The following TAS2R1 variants were observed in gnomAD, a reference collection of about 807,000 sequenced individuals.
TAS2R1 encodes the protein taste 2 receptor member 1.
For missense variants in TAS2R1, 370 were observed against 353.4 expected, an observed-to-expected ratio of 1.05 and a Z score of -0.38; for synonymous variants, 141 against 134.2, an observed-to-expected ratio of 1.05 and a Z score of -0.35.
At chr5:9,815,588 C>CACAATATAAAACCCCTGTAAGGTTT in the TAS2R1 span, among the ~76,000 whole-genome samples, 17 of 152,050 alleles carry the variant, frequency 1.1e-4, no homozygotes, top group Non-Finnish European at 2.4e-4. Flanking sequence ...CTTCCTTCTG[C>CACAATATAAAACCCCTGTAAGGTTT]TACATTGCAT....
chr5:9,832,535 G>A, the TAS2R1 span, among the ~76,000 whole-genome samples: 9,519 of 152,246 alleles, frequency 0.063, 744 homozygotes, highest in East Asian at 0.3. Context: ...AGCCCCTGTC[G>A]ATAGGAATCC....
the TAS2R1 span, among the ~76,000 whole-genome samples, chr5:9,790,020 T>C: frequency 1.3e-5 from 2 of 152,250 alleles, no homozygotes; most frequent in Non-Finnish European, 2.9e-5. Context: ...TATATCACTC[T>C]GCTCATGTTC....
chr5:9,873,390 A>G, the TAS2R1 span, among the ~76,000 whole-genome samples: 1 of 147,180 alleles, frequency 6.8e-6, no homozygotes, highest in African/African-American at 2.5e-5. Flanking sequence ...AGCAGAAGAA[A>G]CCACTGGAAG....
chr5:9,681,217 T>A (rs2126510369), intron 1 of TAS2R1, among the ~76,000 whole-genome samples: 1 of 152,124 alleles, frequency 6.6e-6, no homozygotes, highest in African/African-American at 2.4e-5. Context: ...GTGCATTGGA[T>A]TGGTTCATTA....
chr5:9,632,192 T>A (rs1329215038), upstream of TAS2R1, among the ~76,000 whole-genome samples: 1 of 152,220 alleles, frequency 6.6e-6, no homozygotes, highest in Non-Finnish European at 1.5e-5. Flanking sequence ...CCAGTACATA[T>A]AAAAGTTATG....
chr5:9,896,445 G>A, the TAS2R1 span, among the ~76,000 whole-genome samples: 4 of 152,094 alleles, frequency 2.6e-5, no homozygotes, highest in Admixed American at 6.5e-5. Context: ...TTTAGAAAAC[G>A]TATCCATCAT....
At chr5:9,668,824 C>T (rs1740692942) in intron 1 of TAS2R1, among the ~76,000 whole-genome samples, 3 of 151,832 alleles carry the variant, frequency 2.0e-5, no homozygotes, top group Non-Finnish European at 2.9e-5. Flanking sequence ...AGTACAAAGA[C>T]CATCAGCACT....
chr5:9,877,537 T>A, the TAS2R1 span, among the ~76,000 whole-genome samples: 1 of 152,222 alleles, frequency 6.6e-6, no homozygotes, highest in African/African-American at 2.4e-5. Context: ...AGTCTCCCAA[T>A]TAATACATTT....
the TAS2R1 span, among the ~76,000 whole-genome samples, chr5:9,862,698 C>T: frequency 6.6e-6 from 1 of 152,114 alleles, no homozygotes; most frequent in African/African-American, 2.4e-5. Flanking sequence ...TCCCCCATCT[C>T]TTGCCCCCTG....
At chr5:9,696,126 CA>C (rs1282860064) in intron 1 of TAS2R1, among the ~76,000 whole-genome samples, 2 of 151,288 alleles carry the variant, frequency 1.3e-5, no homozygotes, top group Non-Finnish European at 2.9e-5. Context: ...CCGGTAGAGT[CA>C]ATATTCAAAA....
At chr5:9,780,695 G>A in the TAS2R1 span, among the ~76,000 whole-genome samples, 58 of 152,128 alleles carry the variant, frequency 3.8e-4, no homozygotes, top group African/African-American at 8.7e-4. Context: ...GTGTGTGCGC[G>A]CGCGCGCGCA....
At chr5:9,804,805 T>C in the TAS2R1 span, among the ~76,000 whole-genome samples, 3 of 151,708 alleles carry the variant, frequency 2.0e-5, no homozygotes, top group African/African-American at 7.3e-5. Context: ...AAAGCACAAA[T>C]AGACAATCTA....
At chr5:9,891,579 G>A in the TAS2R1 span, among the ~76,000 whole-genome samples, 1 of 152,072 alleles carries the variant, frequency 6.6e-6, no homozygotes, top group Non-Finnish European at 1.5e-5. Flanking sequence ...CCTCTGCTAA[G>A]CCTGCTTGCC....
Position 9,629,205 on chromosome 5 carries a change from G to T in TAS2R1, c.828C>A (p.Ile276=), listed in dbSNP as rs751439410. The T allele has an allele frequency of 9.4e-6, 15 of 1,601,948 alleles. No homozygotes were observed. The highest frequency in any genetic ancestry group is 1.3e-5 in the Non-Finnish European group (15 of 1,176,054). ...IGIYPSGHSL[I]LILGNPKLKQ... is the part of the protein sequence containing the mutation. ...TCAATTTAGGATTTCCTAAAATTAAGATGAGAGAGTGTCCAGAAGGGTATA... is the reference window on the plus strand; with the variant it reads ...TCAATTTAGGATTTCCTAAAATTAATATGAGAGAGTGTCCAGAAGGGTATA... Residue 276 remains isoleucine, a synonymous_variant, in exon 1 of 1, where the codon ATC becomes ATA. Coordinates refer to ENST00000382492, the MANE Select transcript of TAS2R1 (RefSeq NM_019599.3).
At chr5:9,746,576 C>G in the TAS2R1 span, among the ~76,000 whole-genome samples, 4 of 152,160 alleles carry the variant, frequency 2.6e-5, no homozygotes, top group Non-Finnish European at 5.9e-5. Context: ...CCATGGAATA[C>G]TGTGCAGCCA....
chr5:9,751,050 T>G, the TAS2R1 span, among the ~76,000 whole-genome samples: 1 of 151,528 alleles, frequency 6.6e-6, no homozygotes. Context: ...AGAATAAGAA[T>G]AGACTGGAGT....
At chr5:9,633,297 T>TATATATATATATATA (rs1739906996), upstream of TAS2R1, among the ~76,000 whole-genome samples, 1 of 92,580 alleles carries the variant, frequency 1.1e-5, no homozygotes, top group South Asian at 3.6e-4. Flanking sequence ...GTGTATATTA[T>TATATATATATATATA]ATATATATAT....
the TAS2R1 span, among the ~76,000 whole-genome samples, chr5:9,743,552 A>G: frequency 2.0e-5 from 3 of 152,200 alleles, no homozygotes; most frequent in African/African-American, 7.2e-5. Flanking sequence ...CAAAATCATC[A>G]TAATTGTCAC....
the TAS2R1 span, among the ~76,000 whole-genome samples, chr5:9,877,937 G>A: frequency 6.6e-6 from 1 of 152,132 alleles, no homozygotes; most frequent in South Asian, 2.1e-4. Context: ...TAAAATCAGT[G>A]ATCACCTCCT....
Sources: gnomAD v4.1 joint callset for allele counts (sites outside exome capture counted in the v4.1 genomes callset) on GRCh38, gnomAD v4.1.1 for gene constraint, MANE v1.5 for transcripts, NCBI Gene and HGNC (gene_info 2026-07-23, HGNC 2026-07-21) for gene names.